The following PSMD4 variants were observed in gnomAD, a reference collection of about 807,000 sequenced individuals.
PSMD4 encodes proteasome 26S subunit ubiquitin receptor, non-ATPase 4, also known as 26S proteasome non-ATPase regulatory subunit 4.
Under a neutral mutation model 39.7 loss-of-function variants are expected in PSMD4, and 5 were observed. The observed-to-expected ratio is 0.13, with a 90% CI of 0.07 to 0.26. The LOEUF (loss-of-function observed/expected upper bound fraction) is 0.26. Ranked by LOEUF, PSMD4 falls within the 10% of genes least tolerant of loss-of-function variation. The pLI, the probability that PSMD4 is intolerant of heterozygous loss-of-function variation, is 1.00. For missense variants in PSMD4, 272 were observed against 486.1 expected (o/e 0.56, Z 4.14); for synonymous variants, 143 against 174.6 (o/e 0.82, Z 1.43).
At chr1:151,266,733 T>C in intron 9 of PSMD4, 146 bp downstream of exon 9, 1 of 1,018,872 alleles carries the variant, frequency 9.8e-7, no homozygotes, top group Non-Finnish European at 1.5e-6. Flanking sequence ...ATGTAAACCT[T>C]GCTAAGGTAG....
rs1023514450 is a variant in PSMD4 at position 151,264,028 on chromosome 1, T to C, written c.282T>C (p.His94=). ...TCTGCACGGGCATCCGCGTGGCCCA[T>C]GTGAGTCCTACTGGGTTCCCTGGAC... ...ITFCTGIRVA[H]LALKHRQGKN... Residue 94 remains histidine, a splice_region_variant and synonymous_variant, in exon 3 of 10, where the codon CAT becomes CAC. Transcript: ENST00000368884. 4 of 1,580,690 alleles carry C rather than the reference T, an allele frequency of 2.5e-6. No individual in the cohort carries two copies. The highest frequency in any genetic ancestry group is 1.4e-5 in the African/African-American group (1 of 74,008).
chr1:151,266,173 G>A (rs1231804167), intron 7 of PSMD4, 61 bp downstream of exon 7: 4 of 1,589,352 alleles, frequency 2.5e-6, no homozygotes, highest in Non-Finnish European at 3.4e-6. Context: ...AAAGCTGGGT[G>A]TAGGCACTGC....
chr1:151,257,401 G>T (rs1225402512), intron 1 of PSMD4, among the ~76,000 whole-genome samples: 1 of 152,138 alleles, frequency 6.6e-6, no homozygotes, highest in Non-Finnish European at 1.5e-5. Flanking sequence ...TTTAGCTTAG[G>T]ATTGCCTTGG....
Position 151,265,152 on chromosome 1 carries a change from C to A in PSMD4, c.370-14C>A. On this transcript the variant is annotated splice_polypyrimidine_tract_variant and intron_variant, in intron 4 of 9. Transcript: ENST00000368884. ...ATGGAACAGATTTCTTGATTTTTCT[C>A]CCCTTCTTCCCAGCTGGTGAAACTG... is the stretch of plus-strand genomic sequence containing the variant. 1 of 1,601,938 alleles carries A rather than the reference C, an allele frequency of 6.2e-7. No homozygotes were observed.
In PSMD4 at chr1:151,262,293, A is replaced by T; in HGVS notation, c.159A>T (p.Thr53=). ...SNPENNVGLI[T]LANDCEVLTT... ...CTGAGAACAACGTGGGCCTTATCAC[A>T]CTGGCTAAGTATGGGGGACAGAGGA... is the stretch of plus-strand genomic sequence containing the variant. The change falls in exon 2 of 10, where the codon ACA becomes ACT. Residue 53 remains threonine (T), a synonymous_variant. Transcript: ENST00000368884. 6.2e-7 allele frequency: 1 copy of T among 1,614,134 alleles called. No individual in the cohort carries two copies. The highest frequency in any genetic ancestry group is 8.5e-7 in the Non-Finnish European group (1 of 1,180,020).
intron 7 of PSMD4, 94 bp from the exon 8 acceptor site, chr1:151,266,214 A>G: frequency 1.3e-6 from 2 of 1,598,218 alleles, no homozygotes; most frequent in South Asian, 2.3e-5. Context: ...ACAGGGTAGG[A>G]ATATGTGGGA....
At chr1:151,261,482 T>G (rs1693319243) in intron 1 of PSMD4, among the ~76,000 whole-genome samples, 2 of 152,168 alleles carry the variant, frequency 1.3e-5, no homozygotes, top group South Asian at 4.1e-4. Flanking sequence ...GCTATAGATA[T>G]TTTTAAGTTA....
intron 1 of PSMD4, among the ~76,000 whole-genome samples, chr1:151,257,304 G>A (rs1051342678): frequency 2.0e-5 from 3 of 152,180 alleles, no homozygotes; most frequent in Non-Finnish European, 2.9e-5. Flanking sequence ...CTCTGTGCCT[G>A]TTTTTGTACC....
At chr1:151,267,062 C>A in intron 9 of PSMD4, 111 bp from the exon 10 acceptor site, 1 of 1,320,168 alleles carries the variant, frequency 7.6e-7, no homozygotes, top group Non-Finnish European at 1.1e-6. Flanking sequence ...CCCAGATCCC[C>A]ACACAGTCAG....
At chr1:151,265,698 T>C (rs771839864) in intron 6 of PSMD4, 89 bp downstream of exon 6, 2 of 1,398,018 alleles carry the variant, frequency 1.4e-6, no homozygotes, top group Non-Finnish European at 1.0e-6. Flanking sequence ...TCAGGCTGGA[T>C]AGTCCTAGAC....
chr1:151,260,490 T>C (rs1693290164), intron 1 of PSMD4, among the ~76,000 whole-genome samples: 1 of 152,208 alleles, frequency 6.6e-6, no homozygotes, highest in African/African-American at 2.4e-5. Context: ...TCAGTTCAGC[T>C]GTCAAAGCTG....
intron 9 of PSMD4, 129 bp downstream of exon 9, chr1:151,266,716 T>C (rs1693457771): frequency 8.9e-7 from 1 of 1,119,242 alleles, no homozygotes. Flanking sequence ...GGATTTGCAT[T>C]TCTTACATGT....
intron 1 of PSMD4, among the ~76,000 whole-genome samples, chr1:151,255,667 G>C (rs1334301778): frequency 6.6e-6 from 1 of 152,044 alleles, no homozygotes; most frequent in Non-Finnish European, 1.5e-5. Context: ...TTTCTCGGGG[G>C]AGCATAGCAT....
At position 151,264,936 on chromosome 1, in the gene PSMD4, C is replaced by A; in HGVS notation, c.369+18C>A. 1 of 1,596,260 alleles carries A rather than the reference C, an allele frequency of 6.3e-7. No homozygotes were observed. The highest frequency in any genetic ancestry group is 8.6e-7 in the Non-Finnish European group (1 of 1,165,804). On this transcript the variant is annotated intron_variant, in intron 4 of 9. Transcript: ENST00000368884. ...AGAAGGATGTGAGTCCAAGTGGCAG[C>A]TGGGGAATGTGGGGAGCCCATGTTT...
chr1:151,263,801 G>C, intron 2 of PSMD4, 113 bp from the exon 3 acceptor site: 1 of 727,976 alleles, frequency 1.4e-6, no homozygotes, highest in East Asian at 3.2e-5. Flanking sequence ...ACGCACTCCA[G>C]CCTGGGTGAC....
At chr1:151,265,755 C>T in intron 6 of PSMD4, 146 bp downstream of exon 6, 1 of 970,916 alleles carries the variant, frequency 1.0e-6, no homozygotes, top group Non-Finnish European at 1.5e-6. Flanking sequence ...CGCCTCTTCC[C>T]TATAATGCTG....
At chr1:151,256,694 C>T (rs927820302) in intron 1 of PSMD4, among the ~76,000 whole-genome samples, 5 of 151,174 alleles carry the variant, frequency 3.3e-5, no homozygotes, top group African/African-American at 1.2e-4. Context: ...GCCTCAGCCT[C>T]CCAAAGTGCA....
chr1:151,264,142 T>C, intron 3 of PSMD4, 114 bp downstream of exon 3: 5 of 792,552 alleles, frequency 6.3e-6, no homozygotes, highest in Non-Finnish European at 1.0e-5. Flanking sequence ...GAAAGCTAAC[T>C]TGGAGTAGAA....
intron 6 of PSMD4, 105 bp downstream of exon 6, chr1:151,265,714 C>A (rs1693419900): frequency 1.3e-5 from 16 of 1,241,762 alleles, no homozygotes; most frequent in Non-Finnish European, 1.7e-5. Context: ...TAGACACTAC[C>A]AATCACTCAT....
Sources: allele counts gnomAD v4.1 joint callset (sites outside exome capture counted in the v4.1 genomes callset), GRCh38; gene constraint gnomAD v4.1.1; transcripts MANE v1.5; gene names NCBI Gene and HGNC (gene_info 2026-07-23, HGNC 2026-07-21).